Variants in EML6 observed in about 807,000 individuals in gnomAD.
EML6 encodes the protein EMAP like 6, also known as echinoderm microtubule-associated protein-like 6.
A neutral mutation model predicts 240.1 loss-of-function variants in EML6; 154 were observed. The observed-to-expected ratio is 0.64, with a 90% CI of 0.56 to 0.73. EML6 has a LOEUF of 0.73. EML6 is among the 30% of genes least tolerant of loss of function. EML6 has a pLI of 0.00. For missense variants in EML6, 2,964 were observed against 2,474.6 expected (o/e 1.20, Z -4.20); for synonymous variants, 1,148 against 899.0 (o/e 1.28, Z -4.95).
At chr2:54,908,112 A>T (rs1204455305) in intron 24 of EML6, among the ~76,000 whole-genome samples, 2 of 152,066 alleles carry the variant, frequency 1.3e-5, no homozygotes, top group African/African-American at 4.8e-5. Flanking sequence ...AAATACCCTT[A>T]ATTATTCCTT....
intron 33 of EML6, among the ~76,000 whole-genome samples, chr2:54,958,418 C>G (rs1339071647): frequency 6.6e-6 from 1 of 152,134 alleles, no homozygotes; most frequent in Non-Finnish European, 1.5e-5. Context: ...TCTTGAACTC[C>G]TGACCTCAGG....
intron 38 of EML6, among the ~76,000 whole-genome samples, chr2:54,966,490 C>T (rs1021869921): frequency 2.0e-5 from 3 of 152,286 alleles, no homozygotes; most frequent in South Asian, 2.1e-4. Flanking sequence ...CCCAGAGCAC[C>T]GAGGTTCAGG....
chr2:54,745,092 G>A (rs1444303026), intron 2 of EML6, among the ~76,000 whole-genome samples: 1 of 152,150 alleles, frequency 6.6e-6, no homozygotes, highest in Non-Finnish European at 1.5e-5. Flanking sequence ...CTGGAGGCGA[G>A]TCTTTAAGGC....
intron 17 of EML6, chr2:54,880,564 C>G (rs561847559): frequency 6.6e-6 from 1 of 152,346 alleles, no homozygotes; most frequent in Admixed American, 6.5e-5. Context: ...AGGACTCCAA[C>G]TGACCATCTT....
At chr2:54,809,683 A>C (rs561974297) in intron 2 of EML6, among the ~76,000 whole-genome samples, 3 of 152,282 alleles carry the variant, frequency 2.0e-5, no homozygotes, top group Admixed American at 1.3e-4. Flanking sequence ...AGATGTGTGG[A>C]ATTTTATTTA....
intron 2 of EML6, among the ~76,000 whole-genome samples, chr2:54,784,081 G>A (rs1201050226): frequency 3.3e-5 from 5 of 152,002 alleles, no homozygotes; most frequent in Admixed American, 3.3e-4. Context: ...TAAGTAGCTA[G>A]GACTACAGGC....
rs186131752 is a variant in EML6 at position 54,795,261 on chromosome 2, A to T, written c.198-17971A>T. 9.2e-4 allele frequency among the ~76,000 whole-genome samples: 140 copies of T among 152,292 alleles called. 1 individual carries two copies. The highest frequency in any genetic ancestry group is 2.2e-3 in the Admixed American group (34 of 15,296). ...AAAACTTAGAATCATGGCAGAAGGTAAAGGGGAAGCAGGGCATGTCTCACA... is the reference window on the plus strand; with the variant it reads ...AAAACTTAGAATCATGGCAGAAGGTTAAGGGGAAGCAGGGCATGTCTCACA... On this transcript the variant is annotated intron_variant, in intron 2 of 41. Transcript: ENST00000356458.
intron 4 of EML6, among the ~76,000 whole-genome samples, chr2:54,817,742 T>C (rs191054910): frequency 1.3e-5 from 2 of 152,250 alleles, no homozygotes; most frequent in East Asian, 3.9e-4. Context: ...TTGGACAAGC[T>C]TCATGTAGAA....
At chr2:54,903,609 G>A in intron 24 of EML6, 107 bp downstream of exon 24, 2 of 917,474 alleles carry the variant, frequency 2.2e-6, no homozygotes, top group Admixed American at 3.0e-5. Flanking sequence ...ATGGGAAAGG[G>A]GAATCCCACA....
chr2:54,867,903 T>G (rs1671053754), intron 14 of EML6: 1 of 152,198 alleles, frequency 6.6e-6, no homozygotes, highest in South Asian at 2.1e-4. Flanking sequence ...TTTGTCACCA[T>G]GTCATACCCT....
chr2:54,938,059 G>A (rs1675240962), intron 28 of EML6, among the ~76,000 whole-genome samples: 1 of 152,202 alleles, frequency 6.6e-6, no homozygotes, highest in Admixed American at 6.5e-5. Context: ...ATAAAAGTTA[G>A]GTGGGGCCAG....
chr2:54,894,848 C>T, intron 19 of EML6, 67 bp from the exon 20 acceptor site: 1 of 1,096,020 alleles, frequency 9.1e-7, no homozygotes, highest in South Asian at 1.4e-5. Context: ...GGGGAATCCT[C>T]CTGGGGCCAA....
intron 2 of EML6, among the ~76,000 whole-genome samples, chr2:54,801,233 T>A (rs1572919018): frequency 6.7e-6 from 1 of 148,162 alleles, no homozygotes; most frequent in African/African-American, 2.5e-5. Flanking sequence ...GGCAGGAGAG[T>A]GAATCCGGGA....
At chr2:54,857,523 G>C (rs781090032) in intron 11 of EML6, among the ~76,000 whole-genome samples, 8 of 152,220 alleles carry the variant, frequency 5.3e-5, no homozygotes, top group Non-Finnish European at 1.0e-4. Context: ...TGGAGCTTTT[G>C]TTCTACTGAA....
intron 28 of EML6, among the ~76,000 whole-genome samples, chr2:54,929,756 T>G (rs948718155): frequency 6.6e-6 from 1 of 152,070 alleles, no homozygotes; most frequent in Admixed American, 6.5e-5. Context: ...GATGTTAAAA[T>G]AAACTTGGTA....
rs1201377804 is a variant in EML6 at position 54,866,887 on chromosome 2, G to T, written c.2051+3G>T. 19 of 1,537,724 alleles carry T rather than the reference G, an allele frequency of 1.2e-5. No individual in the cohort carries two copies. Among genetic ancestry groups the T allele is most frequent in the Non-Finnish European group, 1.7e-5 (19 of 1,134,636 alleles). On this transcript the variant is annotated splice_donor_region_variant and intron_variant, in intron 14 of 41. Coordinates refer to ENST00000356458, the MANE Select transcript of EML6 (RefSeq NM_001039753.4). ...TTGAAACTCCAGTTCATACACGGGT[G>T]GGTGGCCTGTCATGGGCGCCCGTAT...
intron 2 of EML6, among the ~76,000 whole-genome samples, chr2:54,743,200 C>T (rs1483883924): frequency 2.0e-5 from 3 of 152,162 alleles, no homozygotes; most frequent in Non-Finnish European, 2.9e-5. Flanking sequence ...GCAGTCACGT[C>T]GCAGGGTGCA....
chr2:54,834,391 G>A (rs1162154799), intron 7 of EML6, among the ~76,000 whole-genome samples: 3 of 152,126 alleles, frequency 2.0e-5, no homozygotes, highest in Middle Eastern at 3.2e-3. Flanking sequence ...CAACCAAAAT[G>A]AATTACTTCT....
chr2:54,899,492 T>C (rs1045424814), intron 21 of EML6, 149 bp from the exon 22 acceptor site: 4 of 646,078 alleles, frequency 6.2e-6, no homozygotes, highest in Non-Finnish European at 7.6e-6. Context: ...TTTCGGGTGA[T>C]GATTTTGGTT....
Sources: gnomAD v4.1 joint callset for allele counts (sites outside exome capture counted in the v4.1 genomes callset) on GRCh38, gnomAD v4.1.1 for gene constraint, MANE v1.5 for transcripts, NCBI Gene and HGNC (gene_info 2026-07-23, HGNC 2026-07-21) for gene names.